TMEM38B: variants seen among roughly 807,000 people sequenced by gnomAD.
TMEM38B encodes the protein transmembrane protein 38B.
A neutral mutation model predicts 28.7 loss-of-function variants in TMEM38B; 24 were observed. The ratio of observed to expected loss-of-function variants is 0.84; its 90% CI spans 0.61 to 1.18. TMEM38B has a LOEUF of 1.18. TMEM38B is among the 50% of genes most tolerant of loss of function. The pLI, the probability that TMEM38B is intolerant of heterozygous loss-of-function variation, is 0.00. For missense variants in TMEM38B, 380 were observed against 350.9 expected (o/e 1.08, Z -0.66); for synonymous variants, 131 against 127.7 (o/e 1.03, Z -0.17).
intron 5 of TMEM38B, among the ~76,000 whole-genome samples, chr9:105,766,968 C>T (rs750855737): frequency 6.7e-6 from 1 of 149,024 alleles, no homozygotes; most frequent in African/African-American, 2.5e-5. Context: ...TCAATTCCCA[C>T]CTATGAGTGA....
chr9:105,760,195 A>C, intron 5 of TMEM38B: 1 of 905,560 alleles, frequency 1.1e-6, no homozygotes, highest in South Asian at 1.3e-5. Flanking sequence ...GATTTCCCAA[A>C]TGAGTCAAAA....
chr9:105,703,526 A>T (rs1212818472), intron 1 of TMEM38B, among the ~76,000 whole-genome samples: 1 of 152,226 alleles, frequency 6.6e-6, no homozygotes, highest in East Asian at 1.9e-4. Context: ...ATGTGTCTTT[A>T]TAGCTGCATG....
chr9:105,753,047 C>A (rs1837715280), intron 5 of TMEM38B, among the ~76,000 whole-genome samples: 1 of 152,092 alleles, frequency 6.6e-6, no homozygotes. Flanking sequence ...CAGCAGAATA[C>A]ATGAAGCAGA....
chr9:105,769,488 G>GT (rs1194782263), intron 5 of TMEM38B, among the ~76,000 whole-genome samples: 6 of 151,982 alleles, frequency 3.9e-5, no homozygotes, highest in Non-Finnish European at 7.4e-5. Flanking sequence ...GCTAATTTTT[G>GT]TATTTTTTGT....
At chr9:105,700,192 T>C (rs1835418727) in intron 1 of TMEM38B, among the ~76,000 whole-genome samples, 1 of 152,220 alleles carries the variant, frequency 6.6e-6, no homozygotes, top group Non-Finnish European at 1.5e-5. Flanking sequence ...AACTCTGTAT[T>C]GGGCATTATA....
At chr9:105,719,266 A>T (rs531993232) in intron 2 of TMEM38B, among the ~76,000 whole-genome samples, 1 of 152,288 alleles carries the variant, frequency 6.6e-6, no homozygotes, top group African/African-American at 2.4e-5. Context: ...CTTAACCTAT[A>T]GTTAAATGTA....
chr9:105,695,029 T>C (rs1835236755), intron 1 of TMEM38B, among the ~76,000 whole-genome samples: 1 of 152,344 alleles, frequency 6.6e-6, no homozygotes, highest in Admixed American at 6.5e-5. Flanking sequence ...GGCCGTAGCC[T>C]GGGCGAGCAG....
chr9:105,701,267 AT>A (rs1177241342), intron 1 of TMEM38B: 4 of 152,140 alleles, frequency 2.6e-5, no homozygotes, highest in African/African-American at 9.7e-5. Context: ...CATATATCTT[AT>A]TAAGATAACT....
intron 4 of TMEM38B, among the ~76,000 whole-genome samples, chr9:105,747,559 T>G (rs941602205): frequency 1.3e-5 from 2 of 152,210 alleles, no homozygotes; most frequent in Non-Finnish European, 2.9e-5. Flanking sequence ...TGAAGGGTTT[T>G]TTGTGTCTCT....
At chr9:105,710,659 A>G in intron 2 of TMEM38B, 1 of 720,492 alleles carries the variant, frequency 1.4e-6, no homozygotes, top group South Asian at 1.4e-5. Flanking sequence ...ATCAAGTGGA[A>G]CATACACATC....
intron 2 of TMEM38B, among the ~76,000 whole-genome samples, chr9:105,709,504 A>G (rs1451682454): frequency 1.3e-5 from 2 of 152,184 alleles, no homozygotes; most frequent in Non-Finnish European, 2.9e-5. Flanking sequence ...CCATACTGTA[A>G]TCATTCACTA....
intron 4 of TMEM38B, among the ~76,000 whole-genome samples, chr9:105,747,066 G>C (rs1588449656): frequency 6.6e-6 from 1 of 152,270 alleles, no homozygotes; most frequent in Non-Finnish European, 1.5e-5. Flanking sequence ...GCCAGGCTTT[G>C]GTATCAGGAT....
At chr9:105,747,330 T>A (rs934751909) in intron 4 of TMEM38B, among the ~76,000 whole-genome samples, 18 of 152,372 alleles carry the variant, frequency 1.2e-4, no homozygotes, top group Admixed American at 3.3e-4. Context: ...GAGGAATTTA[T>A]CCATTTCTTC....
intron 4 of TMEM38B, among the ~76,000 whole-genome samples, chr9:105,739,077 T>C (rs1355310020): frequency 6.6e-6 from 1 of 152,094 alleles, no homozygotes; most frequent in Non-Finnish European, 1.5e-5. Flanking sequence ...CTTTTGTATG[T>C]GGATGTATAG....
chr9:105,735,036 T>A (rs1171685191), intron 4 of TMEM38B, among the ~76,000 whole-genome samples: 1 of 152,122 alleles, frequency 6.6e-6, no homozygotes, highest in Non-Finnish European at 1.5e-5. Context: ...TAGCTTTATT[T>A]CATTTTTCTC....
At chr9:105,706,056 C>T (rs1419781485) in intron 2 of TMEM38B, among the ~76,000 whole-genome samples, 3 of 151,902 alleles carry the variant, frequency 2.0e-5, no homozygotes, top group Admixed American at 6.6e-5. Flanking sequence ...CCCGCCCTCA[C>T]GCATGGCTAA....
intron 4 of TMEM38B, among the ~76,000 whole-genome samples, chr9:105,737,241 A>G (rs756119852): frequency 5.9e-5 from 9 of 152,108 alleles, no homozygotes; most frequent in Middle Eastern, 3.2e-3. Context: ...GTTTGTTCCC[A>G]TGGGGCAGGG....
At chr9:105,747,585 G>A (rs1837464897) in intron 4 of TMEM38B, among the ~76,000 whole-genome samples, 1 of 152,076 alleles carries the variant, frequency 6.6e-6, no homozygotes, top group Admixed American at 6.6e-5. Flanking sequence ...CTTCAGTTCT[G>A]CTTTGATCTT....
At chr9:105,703,959 A>G (rs1427266223) in intron 1 of TMEM38B, among the ~76,000 whole-genome samples, 2 of 152,058 alleles carry the variant, frequency 1.3e-5, no homozygotes, top group Non-Finnish European at 2.9e-5. Flanking sequence ...GGAAATCATC[A>G]TTCTCAGTAA....
Sources: gnomAD v4.1 joint callset for allele counts (sites outside exome capture counted in the v4.1 genomes callset) on GRCh38, gnomAD v4.1.1 for gene constraint, MANE v1.5 for transcripts, NCBI Gene and HGNC (gene_info 2026-07-23, HGNC 2026-07-21) for gene names.